The following COLQ variants were observed in gnomAD, a reference collection of about 807,000 sequenced individuals.
COLQ encodes the protein acetylcholinesterase collagenic tail peptide.
In COLQ, 48 loss-of-function variants were observed where a neutral mutation model predicts 69.0. The ratio of observed to expected loss-of-function variants is 0.70; its 90% CI spans 0.55 to 0.88. COLQ has a LOEUF of 0.88. Ranked by LOEUF, COLQ falls within the 40% of genes least tolerant of loss-of-function variation. The probability of loss-of-function intolerance (pLI) is 0.00; values close to 1 mark genes in which losing one functional copy is unlikely to be tolerated. For missense variants in COLQ, 618 were observed against 594.6 expected, an observed-to-expected ratio of 1.04 and a Z score of -0.41; for synonymous variants, 217 against 211.2, an observed-to-expected ratio of 1.03 and a Z score of -0.24.
At chr3:15,509,084 T>C (rs1325186110) in intron 1 of COLQ, among the ~76,000 whole-genome samples, 1 of 152,200 alleles carries the variant, frequency 6.6e-6, no homozygotes, top group Non-Finnish European at 1.5e-5. Flanking sequence ...AAATAAACAT[T>C]GAGCAAAATG....
chr3:15,457,082 C>A (rs895654991), intron 13 of COLQ, among the ~76,000 whole-genome samples: 2 of 152,108 alleles, frequency 1.3e-5, no homozygotes, highest in Admixed American at 6.6e-5. Context: ...CCTCGGCCTC[C>A]CAAAGTTCTG....
At chr3:15,518,166 G>C (rs1455415399) in intron 1 of COLQ, among the ~76,000 whole-genome samples, 2 of 152,090 alleles carry the variant, frequency 1.3e-5, no homozygotes, top group Non-Finnish European at 2.9e-5. Flanking sequence ...GGCTGGTCTC[G>C]AACTCCTGAC....
intron 1 of COLQ, among the ~76,000 whole-genome samples, chr3:15,509,577 C>T (rs2062956292): frequency 6.6e-6 from 1 of 152,234 alleles, no homozygotes; most frequent in Non-Finnish European, 1.5e-5. Context: ...CATCCCATGT[C>T]CTGAAAGTCA....
At chr3:15,465,889 G>C (rs1575468809) in intron 12 of COLQ, among the ~76,000 whole-genome samples, 1 of 152,240 alleles carries the variant, frequency 6.6e-6, no homozygotes, top group Non-Finnish European at 1.5e-5. Flanking sequence ...ACAGGCGTGA[G>C]CCACCCATGC....
At chr3:15,475,339 CCCCACCCAGTCCCTATGTTTG>C in intron 7 of COLQ, 65 bp downstream of exon 7, 1 of 1,290,634 alleles carries the variant, frequency 7.7e-7, no homozygotes, top group African/African-American at 1.5e-5. Flanking sequence ...GGGACTGCAG[CCCCACCCAGTCCCTATGTTTG>C]TAGACAGCAG....
chr3:15,515,095 G>A (rs890366338), intron 1 of COLQ, among the ~76,000 whole-genome samples: 5 of 152,110 alleles, frequency 3.3e-5, no homozygotes, highest in African/African-American at 9.7e-5. Context: ...TCTGTCCCAC[G>A]TGTCTTTCAT....
intron 3 of COLQ, among the ~76,000 whole-genome samples, chr3:15,486,901 A>AT (rs371655953): frequency 7.9e-5 from 12 of 152,322 alleles, no homozygotes; most frequent in African/African-American, 2.6e-4. Flanking sequence ...TGTGGGCCAC[A>AT]TTTGGTCTCT....
At chr3:15,501,466 T>A (rs2062829948) in intron 1 of COLQ, among the ~76,000 whole-genome samples, 3 of 152,214 alleles carry the variant, frequency 2.0e-5, no homozygotes, top group African/African-American at 7.2e-5. Context: ...GACATCTACC[T>A]GTTTGGGGCA....
At chr3:15,464,407 G>C (rs371828393) in intron 12 of COLQ, among the ~76,000 whole-genome samples, 8 of 152,334 alleles carry the variant, frequency 5.3e-5, no homozygotes, top group African/African-American at 1.9e-4. Context: ...GAATGGAGTA[G>C]ACCAAAGGTT....
At chr3:15,521,004 G>A (rs572885225) in intron 1 of COLQ, among the ~76,000 whole-genome samples, 5 of 152,196 alleles carry the variant, frequency 3.3e-5, no homozygotes, top group East Asian at 3.9e-4. Context: ...CTGCCCCGCC[G>A]CTGTTCACCC....
chr3:15,465,111 T>G (rs1575468119), intron 12 of COLQ, among the ~76,000 whole-genome samples: 1 of 151,448 alleles, frequency 6.6e-6, no homozygotes, highest in African/African-American at 2.4e-5. Context: ...GAGGTGGAGG[T>G]TGCAGTGAGC....
chr3:15,481,565 T>G (rs1008005116), intron 3 of COLQ, among the ~76,000 whole-genome samples: 12 of 152,212 alleles, frequency 7.9e-5, no homozygotes, highest in African/African-American at 2.7e-4. Context: ...TCTATTCCAT[T>G]GGTCTATATC....
chr3:15,470,698 C>T (rs1208190455), intron 10 of COLQ, 82 bp from the exon 11 acceptor site: 1 of 1,281,266 alleles, frequency 7.8e-7, no homozygotes, highest in Non-Finnish European at 1.1e-6. Flanking sequence ...CAGTCATTGG[C>T]TACGAGGGCA....
At chr3:15,478,838 G>A (rs2062425899) in intron 5 of COLQ, 139 bp downstream of exon 5, 5 of 1,023,592 alleles carry the variant, frequency 4.9e-6, no homozygotes, top group East Asian at 4.8e-5. Flanking sequence ...TGTCACCATC[G>A]AGACAGCAGC....
At chr3:15,482,483 T>G (rs1465735610) in intron 3 of COLQ, among the ~76,000 whole-genome samples, 1 of 152,232 alleles carries the variant, frequency 6.6e-6, no homozygotes, top group African/African-American at 2.4e-5. Flanking sequence ...GGTTTTTGTC[T>G]TTGGTTCTGT....
intron 11 of COLQ, chr3:15,468,046 C>T (rs955408709): frequency 6.8e-6 from 3 of 443,418 alleles, no homozygotes; most frequent in Non-Finnish European, 1.4e-5. Flanking sequence ...AGTCACACAT[C>T]TTAATATAGC....
chr3:15,453,479 C>T (rs1193486631), intron 16 of COLQ, among the ~76,000 whole-genome samples: 1 of 152,192 alleles, frequency 6.6e-6, no homozygotes, highest in Non-Finnish European at 1.5e-5. Context: ...CTGGGCTTCC[C>T]ACCTAGGCCC....
At chr3:15,482,379 G>C (rs944037250) in intron 3 of COLQ, among the ~76,000 whole-genome samples, 1 of 152,108 alleles carries the variant, frequency 6.6e-6, no homozygotes, top group African/African-American at 2.4e-5. Context: ...TTTGAGATAC[G>C]TCCCATCAAT....
intron 16 of COLQ, among the ~76,000 whole-genome samples, chr3:15,452,128 G>A (rs1212003752): frequency 6.6e-6 from 1 of 150,992 alleles, no homozygotes; most frequent in Non-Finnish European, 1.5e-5. Flanking sequence ...GTGCAGTGGT[G>A]TGATCTCGGC....
Sources: gnomAD v4.1 joint callset for allele counts (sites outside exome capture counted in the v4.1 genomes callset) on GRCh38, gnomAD v4.1.1 for gene constraint, MANE v1.5 for transcripts, NCBI Gene and HGNC (gene_info 2026-07-23, HGNC 2026-07-21) for gene names.